The following SMU1 variants were observed in gnomAD, a reference collection of about 807,000 sequenced individuals.
The protein encoded by SMU1 is SMU1 DNA replication regulator and spliceosomal factor.
Under a neutral mutation model 62.0 loss-of-function variants are expected in SMU1, and 2 were observed. That is an observed-to-expected ratio of 0.03 (90% CI 0.01 to 0.10). SMU1 has a LOEUF of 0.10. Ranked by LOEUF, SMU1 falls within the 10% of genes least tolerant of loss-of-function variation. The probability of loss-of-function intolerance (pLI) is 1.00; values close to 1 mark genes in which losing one functional copy is unlikely to be tolerated. For synonymous variants in SMU1, 188 were observed against 212.4 expected, an observed-to-expected ratio of 0.89 and a Z score of 1.00; for missense variants, 227 against 622.1, an observed-to-expected ratio of 0.36 and a Z score of 6.76.
intron 3 of SMU1, among the ~76,000 whole-genome samples, chr9:33,071,506 A>C (rs1450032915): frequency 6.6e-6 from 1 of 152,154 alleles, no homozygotes; most frequent in Non-Finnish European, 1.5e-5. Context: ...ACCAACACGC[A>C]ATCCTCTAAA....
rs1839353267 is a variant in SMU1 at position 33,060,735 on chromosome 9, G to A, written c.631-151C>T. 5.2e-5 allele frequency: 48 copies of A among 917,426 alleles called. 1 individual carries two copies. The South Asian group carries it at 6.4e-4, about 12-fold the overall frequency. The allele number at this position is 917,426 out of a possible 1,614,324, so 56.8% of individuals were successfully genotyped here. On this transcript the variant is annotated intron_variant, in intron 5 of 11. Transcript: ENST00000397149. ...TGGAGGGGTATTTCTGTACCTGGAC[G>A]CAGGGAGCTGGGTGGATGTATTTTT...
At chr9:33,057,577 G>C in intron 7 of SMU1, 21 bp downstream of exon 7, 5 of 1,612,348 alleles carry the variant, frequency 3.1e-6, no homozygotes, top group Non-Finnish European at 3.4e-6. Flanking sequence ...ACATATGAGA[G>C]GCTGTGGCAC....
intron 4 of SMU1, among the ~76,000 whole-genome samples, chr9:33,066,834 A>G (rs1289727616): frequency 6.6e-6 from 1 of 151,900 alleles, no homozygotes; most frequent in Non-Finnish European, 1.5e-5. Context: ...AGGAATCTAT[A>G]AATAAGACCT....
In SMU1 at chr9:33,057,057, A is replaced by G; in HGVS notation, c.868-93T>C. On this transcript the variant is annotated intron_variant, in intron 7 of 11. Transcript: ENST00000397149. ...AGCCAAGCAAGATGCAATGCTCACT[A>G]ATGTACTGAAACAGCATTAAAAATG... 11 of 1,355,000 alleles carry G rather than the reference A, an allele frequency of 8.1e-6. No homozygotes were observed. The South Asian group carries it at 1.3e-4, about 16-fold the overall frequency. 83.9% of individuals were successfully genotyped at this position (1,355,000 alleles called of 1,614,324 possible).
rs1329460392 is a variant in SMU1, at chr9:33,046,138, T to G, written c.*1155A>C. ...TTTTTCTTTAGATAACTGGTAATGA[T>G]GCACATTACAAAGGAGACTTTTCTA... On this transcript the variant is annotated 3_prime_UTR_variant, in exon 12 of 12. Coordinates refer to ENST00000397149, the MANE Select transcript of SMU1 (RefSeq NM_018225.3). 1 of 152,236 alleles carries G rather than the reference T, an allele frequency of 6.6e-6. No homozygotes were observed. Among genetic ancestry groups the G allele is most frequent in the African/African-American group, 2.4e-5 (1 of 41,454 alleles). 9.4% of individuals were successfully genotyped at this position (152,236 alleles called of 1,614,324 possible).
chr9:33,076,212 G>T (rs563222123), intron 1 of SMU1, among the ~76,000 whole-genome samples: 1 of 152,208 alleles, frequency 6.6e-6, no homozygotes, highest in African/African-American at 2.4e-5. Flanking sequence ...GCATAAGCTG[G>T]ACAGGGAGAG....
chr9:33,050,097 G>A (rs1839226682), intron 10 of SMU1, among the ~76,000 whole-genome samples: 1 of 152,092 alleles, frequency 6.6e-6, no homozygotes, highest in Non-Finnish European at 1.5e-5. Context: ...TCAAATACCT[G>A]AAACAGAAAC....
At chr9:33,048,702 A>G (rs1252417520) in intron 10 of SMU1, among the ~76,000 whole-genome samples, 1 of 152,210 alleles carries the variant, frequency 6.6e-6, no homozygotes, top group Non-Finnish European at 1.5e-5. Flanking sequence ...CATTAAAATC[A>G]TCATAAACCA....
intron 5 of SMU1, among the ~76,000 whole-genome samples, chr9:33,061,132 A>C (rs1199495363): frequency 2.0e-5 from 3 of 152,240 alleles, no homozygotes; most frequent in African/African-American, 7.2e-5. Context: ...ACTGTCTGAT[A>C]AATGCATTCT....
chr9:33,059,660 C>T (rs1391788502), intron 6 of SMU1, among the ~76,000 whole-genome samples: 1 of 148,932 alleles, frequency 6.7e-6, no homozygotes, highest in African/African-American at 2.5e-5. Context: ...GGCTGGAGTG[C>T]AGTGGCATGA....
intron 6 of SMU1, 42 bp downstream of exon 6, chr9:33,060,423 A>T: frequency 6.4e-7 from 1 of 1,552,018 alleles, no homozygotes; most frequent in Non-Finnish European, 8.7e-7. Flanking sequence ...CAAAGCAGGT[A>T]ATTTTTCCAC....
rs762229901 is a variant in SMU1 at position 33,057,700 on chromosome 9, C to T, written c.765G>A (p.Gln255=). 222 of 1,613,660 alleles carry T rather than the reference C, an allele frequency of 1.4e-4. 2 individuals are homozygous for T. In the South Asian group the frequency reaches 2.3e-3, roughly 17 times the overall value. The change falls in exon 7 of 12, where the codon CAG becomes CAA. Residue 255 remains glutamine (Q), a synonymous_variant. Transcript: ENST00000397149. ...CCATCATCATAAAGTTATCTTGGGC[C>T]TGGTACTTAAGATCCTAAAGAAACA... is the stretch of plus-strand genomic sequence containing the variant. ...TGKIRKDLKY[Q]AQDNFMMMDD... is the part of the protein sequence containing the mutation.
chr9:33,050,599 G>A (rs1426669135), intron 10 of SMU1, among the ~76,000 whole-genome samples: 3 of 151,014 alleles, frequency 2.0e-5, no homozygotes, highest in African/African-American at 4.9e-5. Context: ...AAGCTGAGGC[G>A]AGTGCATCAC....
chr9:33,075,152 A>G (rs1839531953), intron 1 of SMU1, among the ~76,000 whole-genome samples: 1 of 152,316 alleles, frequency 6.6e-6, no homozygotes, highest in South Asian at 2.1e-4. Context: ...CGAGGCGGGC[A>G]GATCACAAGG....
intron 5 of SMU1, among the ~76,000 whole-genome samples, chr9:33,061,341 G>C (rs559443020): frequency 6.6e-6 from 1 of 152,256 alleles, no homozygotes; most frequent in East Asian, 1.9e-4. Flanking sequence ...AGTAAATAAA[G>C]GTGCTGCTTA....
chr9:33,074,378 C>A (rs1484124741), intron 1 of SMU1, among the ~76,000 whole-genome samples: 2 of 151,744 alleles, frequency 1.3e-5, no homozygotes, highest in Non-Finnish European at 2.9e-5. Flanking sequence ...GTGGGAGGAT[C>A]CCTTGAGCCC....
intron 1 of SMU1, among the ~76,000 whole-genome samples, chr9:33,074,387 C>T (rs1221526680): frequency 6.6e-6 from 1 of 151,782 alleles, no homozygotes; most frequent in African/African-American, 2.4e-5. Flanking sequence ...TCCCTTGAGC[C>T]CATGAGTTCA....
Position 33,056,200 on chromosome 9 carries a change from A to G in SMU1, c.1035T>C (p.Phe345=), listed in dbSNP as rs991765808. 2.5e-6 allele frequency: 4 copies of G among 1,613,126 alleles called. No homozygotes were observed. Among genetic ancestry groups the G allele is most frequent in the African/African-American group, 2.7e-5 (2 of 74,932 alleles). Residue 345 remains phenylalanine (F), a synonymous_variant, in exon 9 of 12, where the codon TTT becomes TTC. Transcript: ENST00000397149. The part of the protein sequence containing the change: ...GLKSGKTLKE[F]RGHSSFVNEA... Reference sequence around the variant, plus strand: ...CGTTAACAAAGGAGGAATGGCCACGAAATTCCTTCAGGGTTTTCCCAGATT... The same window carrying G: ...CGTTAACAAAGGAGGAATGGCCACGGAATTCCTTCAGGGTTTTCCCAGATT...
intron 2 of SMU1, among the ~76,000 whole-genome samples, chr9:33,072,660 G>A (rs1271429009): frequency 2.0e-5 from 3 of 151,304 alleles, no homozygotes; most frequent in South Asian, 2.1e-4. Flanking sequence ...GTGAAACCCC[G>A]TCTCTACTAA....
Sources: allele counts gnomAD v4.1 joint callset (sites outside exome capture counted in the v4.1 genomes callset), GRCh38; gene constraint gnomAD v4.1.1; transcripts MANE v1.5; gene names NCBI Gene and HGNC (gene_info 2026-07-23, HGNC 2026-07-21).